The following KRIT1 variants were observed in gnomAD, a reference collection of about 807,000 sequenced individuals.
KRIT1 encodes krev interaction trapped protein 1.
A neutral mutation model predicts 95.8 loss-of-function variants in KRIT1; 45 were observed. The ratio of observed to expected loss-of-function variants is 0.47; its 90% CI spans 0.37 to 0.60. The LOEUF is 0.60. Among genes scored for constraint, KRIT1 ranks in the 20% least tolerant of loss-of-function variants. KRIT1 has a pLI of 0.00. For synonymous variants in KRIT1, 282 were observed against 278.8 expected (o/e 1.01, Z -0.11); for missense variants, 788 against 877.5 (o/e 0.90, Z 1.29).
At position 92,235,392 on chromosome 7, in the gene KRIT1, T is replaced by C; in HGVS notation, c.729+11A>G. The C allele has an allele frequency of 6.2e-7, 1 of 1,613,376 alleles. No individual in the cohort carries two copies. On this transcript the variant is annotated intron_variant, in intron 8 of 18. Transcript: ENST00000394505. ...CTTTTAAATCAGAGCTAAAATTCAT[T>C]CAACTCTTACCCGATTTGTATACTG... is the stretch of plus-strand genomic sequence containing the variant.
At chr7:92,220,192 G>C (rs1011847968) in intron 14 of KRIT1, among the ~76,000 whole-genome samples, 1 of 152,168 alleles carries the variant, frequency 6.6e-6, no homozygotes, top group Admixed American at 6.5e-5. Context: ...ATGCTGAGAA[G>C]TTCGCTTGTA....
chr7:92,241,192 G>A lies in KRIT1; in HGVS notation c.103-40C>T, dbSNP rs768364548. 3.5e-6 allele frequency: 5 copies of A among 1,437,922 alleles called. No homozygotes were observed. The South Asian group carries it at 5.8e-5, about 17-fold the overall frequency. 89.1% of individuals were successfully genotyped at this position (1,437,922 alleles called of 1,614,324 possible). A position where few individuals can be genotyped will look rare whatever the true frequency, so the allele number is the denominator to read the frequency against. ...ACATTAAGAGAAAGCTTAAAATAAAGTCTACTTGCCCTAGAATACTACAAT... is the reference window on the plus strand; with the variant it reads ...ACATTAAGAGAAAGCTTAAAATAAAATCTACTTGCCCTAGAATACTACAAT... On this transcript the variant is annotated intron_variant, in intron 4 of 18. Coordinates refer to ENST00000394505, the MANE Select transcript of KRIT1 (RefSeq NM_194454.3).
chr7:92,233,786 T>G (rs2131632120), intron 10 of KRIT1, among the ~76,000 whole-genome samples: 1 of 152,274 alleles, frequency 6.6e-6, no homozygotes, highest in South Asian at 2.1e-4. Flanking sequence ...TGTAAAAAAC[T>G]TTATTATATC....
chr7:92,218,443 C>T (rs1794451812), intron 14 of KRIT1, among the ~76,000 whole-genome samples: 1 of 150,934 alleles, frequency 6.6e-6, no homozygotes, highest in South Asian at 2.1e-4. Flanking sequence ...TGCAGTCGTG[C>T]AATACTGGCT....
In KRIT1 at chr7:92,213,224, C is replaced by T; in HGVS notation, c.1996G>A (p.Gly666Arg). The T allele has an allele frequency of 6.2e-7, 1 of 1,612,740 alleles. No individual in the cohort carries two copies. The highest frequency in any genetic ancestry group is 8.5e-7 in the Non-Finnish European group (1 of 1,179,002). The change falls in exon 17 of 19, where the codon GGA becomes AGA. Residue 666 changes from glycine (G) to arginine (R), a missense_variant. Physicochemically the swap from Gly to Arg is moderately radical, Grantham distance 125. This residue lies in a region of KRIT1 where 493 missense variants were observed against 582.3 expected (regional missense o/e 0.85). Coordinates refer to ENST00000394505, the MANE Select transcript of KRIT1 (RefSeq NM_194454.3). Reference protein sequence around the residue: ...IPVYVGVNIKGLHLLNMETKA... With the variant: ...IPVYVGVNIKRLHLLNMETKA... ...GTTTCCATGTTGAGGAGATGAAGTC[C>T]TTTTATATTCACTCCTACATACACA...
chr7:92,222,131 T>C (rs1486119560), intron 13 of KRIT1, 78 bp from the exon 14 acceptor site: 5 of 1,089,858 alleles, frequency 4.6e-6, no homozygotes, highest in African/African-American at 1.5e-5. Flanking sequence ...TGTATTAAAC[T>C]GTCTGCACTT....
chr7:92,210,740 G>T (rs1374572123), intron 17 of KRIT1, among the ~76,000 whole-genome samples: 2 of 152,180 alleles, frequency 1.3e-5, no homozygotes, highest in African/African-American at 4.8e-5. Context: ...ACAGAGTGAA[G>T]AGACAATGTG....
In KRIT1 at chr7:92,201,390, T is replaced by C; in HGVS notation, c.2059A>G (p.Met687Val). 6.3e-7 allele frequency: 1 copy of C among 1,592,820 alleles called. No homozygotes were observed. The highest frequency in any genetic ancestry group is 8.6e-7 in the Non-Finnish European group (1 of 1,160,780). Residue 687 changes from methionine (M) to valine (V), a missense_variant, in exon 18 of 19, where the codon ATG (methionine) becomes GTG (valine). Physicochemically the swap from Met to Val is conservative, Grantham distance 21 (BLOSUM62 1). Coordinates refer to ENST00000394505, the MANE Select transcript of KRIT1 (RefSeq NM_194454.3). ...GTATCAGTATCTCCCAATTGCCACATAAAACAACCATACTTAAGACTGATG... is the reference window on the plus strand; with the variant it reads ...GTATCAGTATCTCCCAATTGCCACACAAAACAACCATACTTAAGACTGATG... ...LLISLKYGCF[M>V]WQLGDTDTCF...
At chr7:92,224,897 C>T (rs905411152) in intron 12 of KRIT1, among the ~76,000 whole-genome samples, 31 of 152,140 alleles carry the variant, frequency 2.0e-4, no homozygotes, top group African/African-American at 6.0e-4. Flanking sequence ...TGGTGGTTCA[C>T]GCCTGTAATC....
At chr7:92,214,869 G>A in intron 14 of KRIT1, 92 bp from the exon 15 acceptor site, 1 of 853,234 alleles carries the variant, frequency 1.2e-6, no homozygotes, top group Non-Finnish European at 1.9e-6. Context: ...CTACATATTT[G>A]TATATAAATG....
intron 10 of KRIT1, among the ~76,000 whole-genome samples, chr7:92,231,145 A>G (rs1159505685): frequency 6.6e-6 from 1 of 152,200 alleles, no homozygotes. Flanking sequence ...TAAAGAAGTG[A>G]GAGAATATGA....
At position 92,214,710 on chromosome 7, in the gene KRIT1, T is replaced by C. The variant is rs761303156; in HGVS notation, c.1631A>G (p.Tyr544Cys). 6 of 1,607,974 alleles carry C rather than the reference T, an allele frequency of 3.7e-6. No homozygotes were observed. The highest frequency in any genetic ancestry group is 3.4e-6 in the Non-Finnish European group (4 of 1,174,538). ...TATCAGCTTAGCATCAGGAGCTGTATAAAAGCCCTTCAATAAATTATATCT... is the reference window on the plus strand; with the variant it reads ...TATCAGCTTAGCATCAGGAGCTGTACAAAAGCCCTTCAATAAATTATATCT... ...EARYNLLKGF[Y>C]TAPDAKLITL... The change falls in exon 15 of 19, where the codon TAT (tyrosine) becomes TGT (cysteine). Residue 544 changes from tyrosine to cysteine, a missense_variant. Physicochemically the swap from Tyr to Cys is radical, Grantham distance 194 (BLOSUM62 -2). This residue lies in a region of KRIT1 where 493 missense variants were observed against 582.3 expected (regional missense o/e 0.85). Transcript: ENST00000394505.
Position 92,241,095 on chromosome 7 carries a change from A to G in KRIT1, c.160T>C (p.Leu54=). 1 of 1,611,862 alleles carries G rather than the reference A, an allele frequency of 6.2e-7. No homozygotes were observed. Among genetic ancestry groups the G allele is most frequent in the Non-Finnish European group, 8.5e-7 (1 of 1,177,936 alleles). ...GQKKKRKKVL[L]ETKLQGNSEI... Reference sequence around the variant, plus strand: ...CTGTTGCCTTGAAGTTTCGTTTCCAATAAAACTTTCTTTCTCTTTTTTTTC... The same window carrying G: ...CTGTTGCCTTGAAGTTTCGTTTCCAGTAAAACTTTCTTTCTCTTTTTTTTC... Residue 54 remains leucine, a synonymous_variant, in exon 5 of 19, where the codon TTG becomes CTG. Transcript: ENST00000394505.
intron 17 of KRIT1, among the ~76,000 whole-genome samples, chr7:92,211,737 A>AT (rs1401957882): frequency 1.3e-5 from 2 of 152,194 alleles, no homozygotes; most frequent in Admixed American, 1.3e-4. Context: ...ATCATTACAT[A>AT]TTATATGCAT....
chr7:92,222,660 C>A (rs1353956229), intron 13 of KRIT1, among the ~76,000 whole-genome samples, 162 bp downstream of exon 13: 1 of 152,066 alleles, frequency 6.6e-6, no homozygotes, highest in Non-Finnish European at 1.5e-5. Context: ...CAGGGACTTA[C>A]CTGTTTCAGC....
At chr7:92,212,769 T>G (rs961707655) in intron 17 of KRIT1, among the ~76,000 whole-genome samples, 1 of 152,190 alleles carries the variant, frequency 6.6e-6, no homozygotes, top group African/African-American at 2.4e-5. Context: ...AAAGTTTCCC[T>G]CCTTACTTTT....
intron 17 of KRIT1, 22 bp downstream of exon 17, chr7:92,213,173 T>C: frequency 6.5e-7 from 1 of 1,533,372 alleles, no homozygotes; most frequent in South Asian, 1.1e-5. Context: ...ACATGATTGG[T>C]AAAAAAGAGC....
intron 17 of KRIT1, among the ~76,000 whole-genome samples, chr7:92,211,563 G>C (rs1262240847): frequency 6.6e-6 from 1 of 152,122 alleles, no homozygotes; most frequent in Non-Finnish European, 1.5e-5. Context: ...CAAACATACA[G>C]TTAGATAGAA....
intron 17 of KRIT1, among the ~76,000 whole-genome samples, chr7:92,212,585 A>C (rs1188972217): frequency 6.6e-6 from 1 of 152,154 alleles, no homozygotes; most frequent in Admixed American, 6.5e-5. Flanking sequence ...CTACAAGGAG[A>C]TGTCAGCAGT....
Sources: gnomAD v4.1 joint callset for allele counts (sites outside exome capture counted in the v4.1 genomes callset) on GRCh38, gnomAD v4.1.1 for gene constraint, gnomAD v4.1.1 regional missense constraint, MANE v1.5 for transcripts, NCBI Gene and HGNC (gene_info 2026-07-23, HGNC 2026-07-21) for gene names.